KSR2: variants seen among roughly 807,000 people sequenced by gnomAD.
KSR2 encodes the protein kinase suppressor of ras 2.
In KSR2, 25 loss-of-function variants were observed where a neutral mutation model predicts 107.8. That is an observed-to-expected ratio of 0.23 (90% CI 0.17 to 0.32). KSR2 has a LOEUF of 0.32. KSR2 is among the 10% of genes least tolerant of loss of function. The pLI, the probability that KSR2 is intolerant of heterozygous loss-of-function variation, is 1.00. For missense variants in KSR2, 887 were observed against 1,268.9 expected (o/e 0.70, Z 4.57); for synonymous variants, 480 against 507.0 (o/e 0.95, Z 0.71).
At chr12:117,965,840 T>C (rs1896770088) in intron 1 of KSR2, among the ~76,000 whole-genome samples, 1 of 152,230 alleles carries the variant, frequency 6.6e-6, no homozygotes, top group South Asian at 2.1e-4. Flanking sequence ...CATATGGTTT[T>C]GATATACAAA....
intron 3 of KSR2, among the ~76,000 whole-genome samples, chr12:117,853,486 G>A (rs531081360): frequency 8.5e-5 from 13 of 152,164 alleles, no homozygotes; most frequent in South Asian, 2.1e-4. Context: ...AGGACTACAG[G>A]CGCATGCCAC....
At chr12:117,945,916 GAAA>G (rs1339384568) in intron 1 of KSR2, among the ~76,000 whole-genome samples, 1 of 151,834 alleles carries the variant, frequency 6.6e-6, no homozygotes, top group Non-Finnish European at 1.5e-5. Flanking sequence ...AAATCAGTAA[GAAA>G]AATAGAATAA....
At chr12:117,859,508 G>A (rs371221227) in intron 2 of KSR2, among the ~76,000 whole-genome samples, 18 of 148,720 alleles carry the variant, frequency 1.2e-4, no homozygotes, top group African/African-American at 4.2e-4. Flanking sequence ...CCAGGCTGGA[G>A]TGCAGAGGCA....
At chr12:117,706,881 A>T (rs1886550245) in intron 4 of KSR2, among the ~76,000 whole-genome samples, 1 of 152,212 alleles carries the variant, frequency 6.6e-6, no homozygotes, top group Non-Finnish European at 1.5e-5. Context: ...GAGATATGGA[A>T]AAATATGTCC....
intron 9 of KSR2, among the ~76,000 whole-genome samples, chr12:117,545,540 G>A (rs1446650419): frequency 6.6e-6 from 1 of 152,156 alleles, no homozygotes; most frequent in Non-Finnish European, 1.5e-5. Context: ...TGATTTTCAA[G>A]AAATTGGTTT....
chr12:117,908,700 T>C (rs965513251), intron 1 of KSR2, among the ~76,000 whole-genome samples: 5 of 152,176 alleles, frequency 3.3e-5, no homozygotes, highest in African/African-American at 1.2e-4. Flanking sequence ...AAGAAAAGTA[T>C]TCAGTTGATG....
chr12:117,780,848 C>T lies in KSR2; in HGVS notation c.473-19324G>A, dbSNP rs1015595011. On this transcript the variant is annotated intron_variant, in intron 3 of 19. Transcript: ENST00000339824. Reference sequence around the variant, plus strand: ...GCACACATCTGGAAGAAGAGATGGGCGCTAAACAAGGAATCACATCTCACA... The same window carrying T: ...GCACACATCTGGAAGAAGAGATGGGTGCTAAACAAGGAATCACATCTCACA... Among the ~76,000 whole-genome samples, 6 of 152,118 alleles carry T rather than the reference C, an allele frequency of 3.9e-5. No homozygotes were observed. In the South Asian group the frequency reaches 6.2e-4, roughly 16 times the overall value.
intron 1 of KSR2, among the ~76,000 whole-genome samples, chr12:117,896,791 C>A (rs1467968007): frequency 6.6e-6 from 1 of 152,120 alleles, no homozygotes; most frequent in African/African-American, 2.4e-5. Flanking sequence ...TCAAAAACCA[C>A]TGAACACTTT....
intron 4 of KSR2, among the ~76,000 whole-genome samples, chr12:117,749,448 C>T (rs1482695251): frequency 6.7e-6 from 1 of 150,196 alleles, no homozygotes; most frequent in African/African-American, 2.4e-5. Context: ...AAGGCAGGCA[C>T]TAGGTAAGTC....
chr12:117,704,582 G>A (rs1886447682), intron 4 of KSR2, among the ~76,000 whole-genome samples: 1 of 152,106 alleles, frequency 6.6e-6, no homozygotes, highest in South Asian at 2.1e-4. Context: ...TGAAGGGCCA[G>A]GTGCGGTGGC....
At chr12:117,500,826 G>A (rs551273727) in intron 14 of KSR2, among the ~76,000 whole-genome samples, 1 of 152,370 alleles carries the variant, frequency 6.6e-6, no homozygotes, top group African/African-American at 2.4e-5. Flanking sequence ...CAGGAGCTGG[G>A]TCCAGTTTGA....
Position 117,525,131 on chromosome 12 carries a change from C to T in KSR2, c.1940G>A (p.Arg647His), listed in dbSNP as rs772271177. The change falls in exon 14 of 20, where the codon CGC becomes CAC. Residue 647 changes from arginine (R) to histidine (H), a missense_variant. Coordinates refer to ENST00000339824, the MANE Select transcript of KSR2 (RefSeq NM_173598.6). Reference protein sequence around the residue: ...LSLLSARSFPRKASQTSIFLQ... With the variant: ...LSLLSARSFPHKASQTSIFLQ... Reference sequence around the variant, plus strand: ...GAAGATGCTGGTCTGGCTGGCCTTGCGTGGGAAGCTCCGGGCCGAGAGGAG... The same window carrying T: ...GAAGATGCTGGTCTGGCTGGCCTTGTGTGGGAAGCTCCGGGCCGAGAGGAG... 3.7e-6 allele frequency: 6 copies of T among 1,613,952 alleles called. No individual in the cohort carries two copies. Among genetic ancestry groups the T allele is most frequent in the Admixed American group, 1.7e-5 (1 of 60,024 alleles).
At chr12:117,852,951 G>A (rs1276317262) in intron 3 of KSR2, among the ~76,000 whole-genome samples, 24 of 152,212 alleles carry the variant, frequency 1.6e-4, no homozygotes, top group East Asian at 5.8e-4. Context: ...ACAGGCATGC[G>A]CCACCAAGCC....
At chr12:117,877,845 A>G (rs768640216) in intron 1 of KSR2, among the ~76,000 whole-genome samples, 2 of 152,172 alleles carry the variant, frequency 1.3e-5, no homozygotes, top group African/African-American at 2.4e-5. Flanking sequence ...ACCCAAGCCT[A>G]CGGAATCAGG....
At chr12:117,711,702 T>A (rs1342246473) in intron 4 of KSR2, among the ~76,000 whole-genome samples, 3 of 152,222 alleles carry the variant, frequency 2.0e-5, no homozygotes, top group Non-Finnish European at 4.4e-5. Flanking sequence ...CTTCTTGCTT[T>A]GATTTCTCAT....
intron 5 of KSR2, among the ~76,000 whole-genome samples, chr12:117,664,852 C>G (rs1884592196): frequency 6.6e-6 from 1 of 152,120 alleles, no homozygotes; most frequent in Non-Finnish European, 1.5e-5. Flanking sequence ...GCCTCACAGA[C>G]TGGGGTGAGT....
At chr12:117,961,111 C>G (rs894202126) in intron 1 of KSR2, among the ~76,000 whole-genome samples, 1 of 152,152 alleles carries the variant, frequency 6.6e-6, no homozygotes, top group African/African-American at 2.4e-5. Context: ...TTCTCTTCTT[C>G]CTGAGCTCAG....
chr12:117,531,563 T>G, intron 11 of KSR2, 103 bp downstream of exon 11: 1 of 981,112 alleles, frequency 1.0e-6, no homozygotes, highest in Non-Finnish European at 1.6e-6. Flanking sequence ...CCCTCTTTGA[T>G]CTTAGGCACC....
chr12:117,814,118 G>A (rs937592750), intron 3 of KSR2, among the ~76,000 whole-genome samples: 6 of 152,170 alleles, frequency 3.9e-5, no homozygotes, highest in Non-Finnish European at 4.4e-5. Flanking sequence ...GGAAGGCTAA[G>A]GGGAAGAGTG....
Sources: gnomAD v4.1 joint callset for allele counts (sites outside exome capture counted in the v4.1 genomes callset) on GRCh38, gnomAD v4.1.1 for gene constraint, MANE v1.5 for transcripts, NCBI Gene and HGNC (gene_info 2026-07-23, HGNC 2026-07-21) for gene names.